The following CPQ variants were observed in gnomAD, a reference collection of about 807,000 sequenced individuals.
The protein encoded by CPQ is carboxypeptidase Q.
In CPQ, 37 loss-of-function variants were observed where a neutral mutation model predicts 45.7. The observed-to-expected ratio is 0.81, with a 90% CI of 0.62 to 1.07. The LOEUF (loss-of-function observed/expected upper bound fraction) is 1.07, where lower values mean the gene tolerates loss of function less well. Ranked by LOEUF, CPQ falls within the 50% of genes least tolerant of loss-of-function variation. The probability of loss-of-function intolerance (pLI) is 0.00; values close to 1 mark genes in which losing one functional copy is unlikely to be tolerated. For missense variants in CPQ, 537 were observed against 572.9 expected, an observed-to-expected ratio of 0.94 and a Z score of 0.64; for synonymous variants, 186 against 205.8, an observed-to-expected ratio of 0.90 and a Z score of 0.82.
chr8:97,086,638 A>T (rs1811045292), intron 7 of CPQ, among the ~76,000 whole-genome samples: 1 of 152,164 alleles, frequency 6.6e-6, no homozygotes, highest in Non-Finnish European at 1.5e-5. Context: ...TCACACACAG[A>T]AAACCACTTG....
chr8:97,023,047 T>TATATACAGTATATATACAGTATAC, intron 5 of CPQ, among the ~76,000 whole-genome samples: 1 of 143,988 alleles, frequency 6.9e-6, no homozygotes, highest in Non-Finnish European at 1.5e-5. Context: ...ATACAGTATA[T>TATATACAGTATATATACAGTATAC]ATACTGTATA....
intron 4 of CPQ, among the ~76,000 whole-genome samples, chr8:96,899,347 A>AAAGTAAGCCATTGTGAATTTGGG (rs1812484891): frequency 6.6e-6 from 1 of 152,208 alleles, no homozygotes; most frequent in South Asian, 2.1e-4. Context: ...AGTTGTACAA[A>AAAGTAAGCCATTGTGAATTTGGG]AAGTAAGCCA....
chr8:96,963,919 T>C (rs183726976), intron 4 of CPQ, among the ~76,000 whole-genome samples: 116 of 152,252 alleles, frequency 7.6e-4, no homozygotes, highest in Non-Finnish European at 1.3e-3. Flanking sequence ...TCATGTGTTA[T>C]TTTGTATCTG....
chr8:96,918,393 G>C (rs1449164862), intron 4 of CPQ, among the ~76,000 whole-genome samples: 2 of 151,834 alleles, frequency 1.3e-5, no homozygotes, highest in Admixed American at 1.3e-4. Flanking sequence ...AACATTTAGT[G>C]TTTACATTGC....
intron 1 of CPQ, among the ~76,000 whole-genome samples, chr8:96,713,104 T>G (rs1449316377): frequency 4.6e-5 from 7 of 152,212 alleles, no homozygotes. Flanking sequence ...CATCTCCATC[T>G]GAGACCACCT....
intron 4 of CPQ, among the ~76,000 whole-genome samples, chr8:96,898,259 G>A (rs1013815941): frequency 6.6e-6 from 1 of 152,040 alleles, no homozygotes; most frequent in African/African-American, 2.4e-5. Context: ...CCCCAAAATG[G>A]GATTCTATGT....
chr8:96,993,738 TA>T (rs564248900), intron 5 of CPQ, among the ~76,000 whole-genome samples: 21 of 152,180 alleles, frequency 1.4e-4, no homozygotes, highest in Middle Eastern at 3.4e-3. Context: ...TATATTGGTG[TA>T]AAAAAATGAT....
intron 1 of CPQ, among the ~76,000 whole-genome samples, chr8:96,661,843 AG>A (rs1230740286): frequency 6.6e-6 from 1 of 152,240 alleles, no homozygotes; most frequent in Admixed American, 6.5e-5. Context: ...GAGTATGTTT[AG>A]TTTTTTAAGA....
intron 4 of CPQ, among the ~76,000 whole-genome samples, chr8:96,902,424 A>G (rs1275765425): frequency 6.6e-6 from 1 of 152,174 alleles, no homozygotes; most frequent in African/African-American, 2.4e-5. Flanking sequence ...CCCAAAGTTC[A>G]TGCTCTTCTG....
intron 7 of CPQ, among the ~76,000 whole-genome samples, chr8:97,075,629 A>G (rs1164955675): frequency 6.6e-6 from 1 of 152,194 alleles, no homozygotes; most frequent in Non-Finnish European, 1.5e-5. Context: ...AGTGGAGTAT[A>G]AAGAAGAAGG....
At chr8:96,922,150 TATGC>T (rs900215266) in intron 4 of CPQ, among the ~76,000 whole-genome samples, 14 of 152,242 alleles carry the variant, frequency 9.2e-5, no homozygotes, top group African/African-American at 3.4e-4. Context: ...CAACACAGAG[TATGC>T]AACTTTAAGT....
chr8:96,917,248 A>G (rs1167837323), intron 4 of CPQ, among the ~76,000 whole-genome samples: 2 of 152,110 alleles, frequency 1.3e-5, no homozygotes, highest in Admixed American at 1.3e-4. Context: ...CAGGAGATTT[A>G]TCTATTTTCC....
chr8:96,873,435 G>A (rs1014363415), intron 3 of CPQ, among the ~76,000 whole-genome samples: 9 of 151,314 alleles, frequency 5.9e-5, no homozygotes, highest in Non-Finnish European at 1.3e-4. Flanking sequence ...GTCTGAGATG[G>A]ATTTTCTCTT....
intron 7 of CPQ, among the ~76,000 whole-genome samples, chr8:97,098,629 A>G (rs757375222): frequency 6.6e-6 from 1 of 152,154 alleles, no homozygotes; most frequent in Non-Finnish European, 1.5e-5. Flanking sequence ...CATGGCACAC[A>G]TTCACTGATG....
chr8:96,891,067 G>C (rs528703765), intron 4 of CPQ, among the ~76,000 whole-genome samples: 1 of 152,198 alleles, frequency 6.6e-6, no homozygotes, highest in Non-Finnish European at 1.5e-5. Flanking sequence ...CAATCCAGCT[G>C]CTTCAGGATG....
Position 96,777,743 on chromosome 8 carries a change from TATATATATATATATATA to T in CPQ, c.-34-7120_-34-7104del, listed in dbSNP as rs1250939411. On this transcript the variant is annotated intron_variant, in intron 1 of 7. Coordinates refer to ENST00000220763, the MANE Select transcript of CPQ (RefSeq NM_016134.4). ...TAGAAAATATATATATATATATATA[TATATATATATATATATA>T]TTTTTTTTTTTTTTTTTTTTTTTTT... is the stretch of plus-strand genomic sequence containing the variant. 6.5e-3 allele frequency among the ~76,000 whole-genome samples: 79 copies of T among 12,230 alleles called. 1 individual carries two copies. The highest frequency in any genetic ancestry group is 0.026 in the East Asian group (4 of 154). 8.0% of individuals were successfully genotyped at this position (12,230 alleles called of 152,430 possible). A position where few individuals can be genotyped will look rare whatever the true frequency, so the allele number is the denominator to read the frequency against.
intron 1 of CPQ, among the ~76,000 whole-genome samples, chr8:96,780,705 C>CTTTTCTTTTTTTTTTTTTT (rs1178779198): frequency 6.9e-6 from 1 of 144,484 alleles, no homozygotes; most frequent in Non-Finnish European, 1.5e-5. Context: ...CTTTCTTTTT[C>CTTTTCTTTTTTTTTTTTTT]TTTACTTTTT....
chr8:96,884,459 A>G (rs1457841948), intron 4 of CPQ, among the ~76,000 whole-genome samples: 1 of 152,098 alleles, frequency 6.6e-6, no homozygotes, highest in Non-Finnish European at 1.5e-5. Flanking sequence ...CCTGTTTCTT[A>G]TAAGATAAAG....
Position 96,724,520 on chromosome 8 carries a change from CA to C in CPQ, c.-34-60343del, listed in dbSNP as rs1357343943. Reference sequence around the variant, plus strand: ...ACACACACACACACACACACACACACACACACCCCTAGGAATACATCTAACA... The same window carrying C: ...ACACACACACACACACACACACACACCACACCCCTAGGAATACATCTAACA... On this transcript the variant is annotated intron_variant, in intron 1 of 7. Coordinates refer to ENST00000220763, the MANE Select transcript of CPQ (RefSeq NM_016134.4). Among the ~76,000 whole-genome samples, 55 of 151,940 alleles carry C rather than the reference CA, an allele frequency of 3.6e-4. 1 individual carries two copies. The highest frequency in any genetic ancestry group is 3.1e-3 in the East Asian group (16 of 5,182).
Sources: gnomAD v4.1 joint callset for allele counts (sites outside exome capture counted in the v4.1 genomes callset) on GRCh38, gnomAD v4.1.1 for gene constraint, MANE v1.5 for transcripts, NCBI Gene and HGNC (gene_info 2026-07-23, HGNC 2026-07-21) for gene names.